Variants in WWOX observed in about 807,000 individuals in gnomAD.
WWOX encodes WW domain-containing oxidoreductase.
WWOX carries 69 observed loss-of-function variants against 46.2 expected under a neutral mutation model. The ratio of observed to expected loss-of-function variants is 1.49; its 90% CI spans 1.23 to 1.82. The LOEUF is 1.82. Among genes scored for constraint, WWOX ranks in the 40% most tolerant of loss-of-function variants. The probability of loss-of-function intolerance (pLI) is 0.00; values close to 1 mark genes in which losing one functional copy is unlikely to be tolerated. For synonymous variants in WWOX, 359 were observed against 202.6 expected, an observed-to-expected ratio of 1.77 and a Z score of -6.56; for missense variants, 919 against 542.6, an observed-to-expected ratio of 1.69 and a Z score of -6.89.
chr16:79,027,709 A>G lies in WWOX; in HGVS notation c.1057-183899A>G, dbSNP rs915840193. Among the ~76,000 whole-genome samples the G allele has an allele frequency of 2.0e-5, 3 of 151,780 alleles. 1 individual carries two copies. The highest frequency in any genetic ancestry group is 7.3e-5 in the African/African-American group (3 of 41,090). Reference sequence around the variant, plus strand: ...ACTTATCTCCTCCTTACTCTACCCAAGTAATGACTCATCCTTTTATACAGA... The same window carrying G: ...ACTTATCTCCTCCTTACTCTACCCAGGTAATGACTCATCCTTTTATACAGA... On this transcript the variant is annotated intron_variant, in intron 8 of 8. Transcript: ENST00000566780.
chr16:79,012,302 G>A lies in WWOX; in HGVS notation c.1057-199306G>A, dbSNP rs368577270. On this transcript the variant is annotated intron_variant, in intron 8 of 8. Transcript: ENST00000566780. ...GGCTAGAGTGCAGTGGTGCAATCTCGACTCACTGCAACCTACACTTCCTGG... is the reference window on the plus strand; with the variant it reads ...GGCTAGAGTGCAGTGGTGCAATCTCAACTCACTGCAACCTACACTTCCTGG... 1.1e-4 allele frequency among the ~76,000 whole-genome samples: 17 copies of A among 151,918 alleles called. 1 individual carries two copies. The highest frequency in any genetic ancestry group is 3.9e-4 in the East Asian group (2 of 5,140).
chr16:78,706,496 T>C lies in WWOX; in HGVS notation c.1056+273744T>C, dbSNP rs563940195. The stretch of plus-strand genomic sequence containing the variant: ...CCTGGGGCTCTTCCTCTCCTCTTTT[T>C]GAAGCTTTTCATTTCCCTTTATATT... On this transcript the variant is annotated intron_variant, in intron 8 of 8. Coordinates refer to ENST00000566780, the MANE Select transcript of WWOX (RefSeq NM_016373.4). Among the ~76,000 whole-genome samples, 420 of 152,326 alleles carry C rather than the reference T, an allele frequency of 2.8e-3. 1 individual carries two copies. Among genetic ancestry groups the C allele is most frequent in the Non-Finnish European group, 4.8e-3 (325 of 68,024 alleles).
At chr16:79,022,391 G>T (rs1245639433) in intron 8 of WWOX, among the ~76,000 whole-genome samples, 1 of 148,888 alleles carries the variant, frequency 6.7e-6, no homozygotes, top group African/African-American at 2.5e-5. Context: ...CAAGCCTACT[G>T]GCTTATCTGT....
chr16:78,770,114 A>G (rs1267271662), intron 8 of WWOX, among the ~76,000 whole-genome samples: 1 of 152,070 alleles, frequency 6.6e-6, no homozygotes, highest in Non-Finnish European at 1.5e-5. Flanking sequence ...CACTTTGGGA[A>G]TACGAGGTGG....
intron 8 of WWOX, among the ~76,000 whole-genome samples, chr16:78,697,946 T>C (rs2048135834): frequency 6.6e-6 from 1 of 152,166 alleles, no homozygotes; most frequent in African/African-American, 2.4e-5. Flanking sequence ...CAAGAATCAC[T>C]CCAGGTTTTT....
chr16:79,112,245 A>C (rs1300876495), intron 8 of WWOX, among the ~76,000 whole-genome samples: 1 of 152,178 alleles, frequency 6.6e-6, no homozygotes, highest in Non-Finnish European at 1.5e-5. Flanking sequence ...TGACCCAACA[A>C]AAGGGCTGTC....
intron 8 of WWOX, among the ~76,000 whole-genome samples, chr16:78,938,429 T>C (rs1358020573): frequency 6.6e-6 from 1 of 151,788 alleles, no homozygotes; most frequent in Non-Finnish European, 1.5e-5. Flanking sequence ...TTGAGGACCT[T>C]TGTGTGAGAC....
intron 6 of WWOX, among the ~76,000 whole-genome samples, chr16:78,423,976 A>G (rs1376896535): frequency 2.0e-5 from 3 of 152,006 alleles, no homozygotes; most frequent in Non-Finnish European, 1.5e-5. Context: ...GTATCCTTAA[A>G]CAACATGTGC....
intron 8 of WWOX, among the ~76,000 whole-genome samples, chr16:78,833,552 C>A (rs561142731): frequency 1.3e-5 from 2 of 152,224 alleles, no homozygotes; most frequent in South Asian, 4.2e-4. Context: ...TTATCATAAC[C>A]CCAGTAGGCT....
intron 8 of WWOX, among the ~76,000 whole-genome samples, chr16:78,800,214 T>C (rs2050850766): frequency 6.6e-6 from 1 of 151,896 alleles, no homozygotes; most frequent in African/African-American, 2.4e-5. Context: ...AGATGCGATT[T>C]TAATGATTGT....
At chr16:78,193,295 GAT>G (rs1441564231) in intron 5 of WWOX, among the ~76,000 whole-genome samples, 1 of 152,214 alleles carries the variant, frequency 6.6e-6, no homozygotes, top group Non-Finnish European at 1.5e-5. Context: ...TGGTTTTCTT[GAT>G]ATGGTTGCCA....
chr16:78,521,169 G>T (rs187386549), intron 8 of WWOX, among the ~76,000 whole-genome samples: 1 of 152,102 alleles, frequency 6.6e-6, no homozygotes, highest in Admixed American at 6.5e-5. Flanking sequence ...GTGGCTTTTG[G>T]AGCAGCCTCA....
chr16:78,765,276 G>C (rs2049900714), intron 8 of WWOX, among the ~76,000 whole-genome samples: 2 of 152,252 alleles, frequency 1.3e-5, no homozygotes, highest in Admixed American at 6.5e-5. Flanking sequence ...GAGCCCAGTA[G>C]AGGATGGGCT....
chr16:78,542,224 G>A lies in WWOX; in HGVS notation c.1056+109472G>A, dbSNP rs17721138. Among the ~76,000 whole-genome samples the A allele has an allele frequency of 8.6e-4, 131 of 151,984 alleles. 2 individuals carry two copies. In the East Asian group the frequency reaches 0.02, roughly 23 times the overall value. On this transcript the variant is annotated intron_variant, in intron 8 of 8. Coordinates refer to ENST00000566780, the MANE Select transcript of WWOX (RefSeq NM_016373.4). ...TCTCCAGCCCTCCGTAAACACTGCCGGATGGATGAACCTACGTAATGATCT... is the reference window on the plus strand; with the variant it reads ...TCTCCAGCCCTCCGTAAACACTGCCAGATGGATGAACCTACGTAATGATCT...
chr16:78,765,514 A>G (rs1405297408), intron 8 of WWOX, among the ~76,000 whole-genome samples: 1 of 152,116 alleles, frequency 6.6e-6, no homozygotes, highest in Non-Finnish European at 1.5e-5. Flanking sequence ...CCCCATCTCT[A>G]CTAAAAGTAC....
intron 8 of WWOX, among the ~76,000 whole-genome samples, chr16:78,590,688 T>C (rs935311824): frequency 7.2e-5 from 11 of 152,306 alleles, no homozygotes; most frequent in African/African-American, 2.6e-4. Flanking sequence ...AGAGAGTAAG[T>C]ATTGAGAAGG....
At chr16:79,003,121 T>C (rs2047126123) in intron 8 of WWOX, among the ~76,000 whole-genome samples, 1 of 152,186 alleles carries the variant, frequency 6.6e-6, no homozygotes, top group African/African-American at 2.4e-5. Flanking sequence ...TCTTTTGCAG[T>C]GAGCAGAGAT....
intron 8 of WWOX, among the ~76,000 whole-genome samples, chr16:78,710,476 A>ATATATATATATATATATATT (rs2048416984): frequency 3.5e-5 from 4 of 113,404 alleles, no homozygotes; most frequent in Non-Finnish European, 6.9e-5. Flanking sequence ...TGGATCTCAT[A>ATATATATATATATATATATT]TATATATATA....
chr16:78,566,559 G>A (rs984370092), intron 8 of WWOX, among the ~76,000 whole-genome samples: 3 of 152,178 alleles, frequency 2.0e-5, no homozygotes, highest in Admixed American at 1.3e-4. Flanking sequence ...GAGGCTGTCT[G>A]TGCTGAGGCT....
Sources: gnomAD v4.1 joint callset for allele counts (sites outside exome capture counted in the v4.1 genomes callset) on GRCh38, gnomAD v4.1.1 for gene constraint, MANE v1.5 for transcripts, NCBI Gene and HGNC (gene_info 2026-07-23, HGNC 2026-07-21) for gene names.